PCSK6: variants seen among roughly 807,000 people sequenced by gnomAD.
PCSK6 encodes the protein paired basic amino acid cleaving enzyme 4.
PCSK6 carries 85 observed loss-of-function variants against 123.3 expected under a neutral mutation model. The ratio of observed to expected loss-of-function variants is 0.69; its 90% CI spans 0.58 to 0.83. The LOEUF (loss-of-function observed/expected upper bound fraction) is 0.83, where lower values mean the gene tolerates loss of function less well. Ranked by LOEUF, PCSK6 falls within the 40% of genes least tolerant of loss-of-function variation. PCSK6 has a pLI of 0.00. For synonymous variants in PCSK6, 508 were observed against 516.0 expected, an observed-to-expected ratio of 0.98 and a Z score of 0.21; for missense variants, 1,191 against 1,282.3, an observed-to-expected ratio of 0.93 and a Z score of 1.09.
intron 1 of PCSK6, among the ~76,000 whole-genome samples, chr15:101,484,860 G>T (rs1284687756): frequency 6.6e-6 from 1 of 152,032 alleles, no homozygotes; most frequent in Admixed American, 6.5e-5. Flanking sequence ...TTTTGATTTA[G>T]TTCTCTATTC....
chr15:101,371,660 T>C (rs979859240), intron 11 of PCSK6, among the ~76,000 whole-genome samples: 3 of 152,140 alleles, frequency 2.0e-5, no homozygotes, highest in Non-Finnish European at 4.4e-5. Flanking sequence ...GTGTAGCTAA[T>C]GCGGGGAGGA....
intron 2 of PCSK6, among the ~76,000 whole-genome samples, chr15:101,442,187 G>A (rs545787895): frequency 4.6e-5 from 7 of 152,312 alleles, no homozygotes; most frequent in East Asian, 3.9e-4. Context: ...GATGGGGTGA[G>A]ACGGTGCATG....
intron 2 of PCSK6, among the ~76,000 whole-genome samples, chr15:101,438,620 C>A (rs1023978354): frequency 1.3e-5 from 2 of 152,208 alleles, no homozygotes; most frequent in Non-Finnish European, 2.9e-5. Flanking sequence ...GCCTTCCCAT[C>A]GCCTCTCCTC....
intron 12 of PCSK6, among the ~76,000 whole-genome samples, chr15:101,370,070 C>T (rs1450376509): frequency 1.4e-5 from 2 of 145,100 alleles, no homozygotes; most frequent in Non-Finnish European, 3.0e-5. Context: ...AAAAACGAAA[C>T]AACAACTCTT....
chr15:101,442,898 T>G (rs2056793091), intron 2 of PCSK6, among the ~76,000 whole-genome samples: 1 of 152,298 alleles, frequency 6.6e-6, no homozygotes, highest in Admixed American at 6.5e-5. Context: ...CGGGCCCTGC[T>G]ATGGACAGAG....
intron 2 of PCSK6, among the ~76,000 whole-genome samples, chr15:101,432,361 G>C (rs749509974): frequency 6.6e-6 from 1 of 150,642 alleles, no homozygotes; most frequent in African/African-American, 2.5e-5. Flanking sequence ...AAGTGCTCAC[G>C]CCTGTCATCC....
Position 101,454,980 on chromosome 15 carries a change from G to GAATGAATAAATAAATAAATA in PCSK6, c.298-11321_298-11320insTATTTATTTATTTATTCATT, listed in dbSNP as rs1322359266. 8.3e-3 allele frequency among the ~76,000 whole-genome samples: 815 copies of GAATGAATAAATAAATAAATA among 97,850 alleles called. 3 individuals carry two copies. The highest frequency in any genetic ancestry group is 0.027 in the African/African-American group (783 of 28,632). The allele number at this position is 97,850 out of a possible 152,430, so 64.2% of individuals were successfully genotyped here. On this transcript the variant is annotated intron_variant, in intron 1 of 21. Transcript: ENST00000611716. The stretch of plus-strand genomic sequence containing the variant: ...TGAATGAATGAATGAATGAATGAAT[G>GAATGAATAAATAAATAAATA]AATAAATAAATAAATAAAAGGGTAC...
chr15:101,342,267 G>A (rs935606453), intron 13 of PCSK6, among the ~76,000 whole-genome samples: 1 of 152,048 alleles, frequency 6.6e-6, no homozygotes, highest in Non-Finnish European at 1.5e-5. Context: ...GGAGGGGGAT[G>A]GAATTACACT....
chr15:101,366,378 G>A (rs747621446), intron 12 of PCSK6, 46 bp from the exon 13 acceptor site: 1 of 1,580,640 alleles, frequency 6.3e-7, no homozygotes, highest in Admixed American at 1.7e-5. Context: ...CTGGTACTGA[G>A]TGGCTGGGCG....
chr15:101,339,037 G>T (rs1316902011), intron 13 of PCSK6, among the ~76,000 whole-genome samples: 1 of 152,234 alleles, frequency 6.6e-6, no homozygotes, highest in Admixed American at 6.5e-5. Flanking sequence ...GGGAGACTAT[G>T]GTTGAATTTG....
At chr15:101,391,124 G>A (rs571818191) in intron 8 of PCSK6, among the ~76,000 whole-genome samples, 7 of 152,174 alleles carry the variant, frequency 4.6e-5, no homozygotes, top group African/African-American at 1.4e-4. Context: ...CTCCTTGTTC[G>A]TTTCAGTGGG....
chr15:101,421,601 G>A (rs938660758), intron 6 of PCSK6, among the ~76,000 whole-genome samples: 3 of 152,158 alleles, frequency 2.0e-5, no homozygotes, highest in Non-Finnish European at 4.4e-5. Flanking sequence ...CAACCCTCTG[G>A]AAAGGTACAC....
intron 1 of PCSK6, among the ~76,000 whole-genome samples, chr15:101,461,801 CAAG>C (rs551133295): frequency 3.8e-4 from 58 of 152,048 alleles, no homozygotes; most frequent in Non-Finnish European, 5.1e-4. Flanking sequence ...CAAATTAAAA[CAAG>C]AAGGAAGCTT....
At chr15:101,326,539 C>G in intron 15 of PCSK6, 60 bp from the exon 16 acceptor site, 1 of 1,433,406 alleles carries the variant, frequency 7.0e-7, no homozygotes, top group Non-Finnish European at 9.6e-7. Context: ...TACTGCAGTC[C>G]CGCGGATCCC....
chr15:101,443,734 A>C, intron 1 of PCSK6, 74 bp from the exon 2 acceptor site: 1 of 1,044,318 alleles, frequency 9.6e-7, no homozygotes. Flanking sequence ...ACCCCACAAG[A>C]ATCTCCCCCT....
In PCSK6 at chr15:101,304,605, T is replaced by C. The variant is rs1368983339; in HGVS notation, c.*653A>G. The C allele has an allele frequency of 6.6e-6, 1 of 152,322 alleles. No individual in the cohort carries two copies. The highest frequency in any genetic ancestry group is 1.5e-5 in the Non-Finnish European group (1 of 68,134). 9.4% of individuals were successfully genotyped at this position (152,322 alleles called of 1,614,324 possible). A position where few individuals can be genotyped will look rare whatever the true frequency, so the allele number is the denominator to read the frequency against. ...GCTCGGCTTGCTCAAAGGAGAGCGC[T>C]GCGGGGGATAGAATCTTCTGGTCTG... On this transcript the variant is annotated 3_prime_UTR_variant, in exon 22 of 22. Transcript: ENST00000611716.
chr15:101,332,180 C>T lies in PCSK6; in HGVS notation c.1859-149G>A. ...CCTGGTTACCTGCTGGCCAGCTGTG[C>T]ACCTATTGCCCAGGCCACATGCTGC... is the stretch of plus-strand genomic sequence containing the variant. On this transcript the variant is annotated intron_variant, in intron 13 of 21. Transcript: ENST00000611716. 7.5e-6 allele frequency: 5 copies of T among 670,868 alleles called. No individual in the cohort carries two copies. The South Asian group carries it at 1.0e-4, about 13-fold the overall frequency. 41.6% of individuals were successfully genotyped at this position (670,868 alleles called of 1,614,324 possible).
At chr15:101,382,727 C>G (rs979630360) in intron 10 of PCSK6, among the ~76,000 whole-genome samples, 2 of 151,840 alleles carry the variant, frequency 1.3e-5, no homozygotes, top group South Asian at 2.1e-4. Context: ...GACAGGCTTG[C>G]GAACTGGCCC....
chr15:101,313,562 C>T, intron 19 of PCSK6, 57 bp from the exon 20 acceptor site: 2 of 1,548,130 alleles, frequency 1.3e-6, no homozygotes, highest in Non-Finnish European at 1.7e-6. Flanking sequence ...AGACCATGCC[C>T]CAGGCCTGCT....
Sources: gnomAD v4.1 joint callset for allele counts (sites outside exome capture counted in the v4.1 genomes callset) on GRCh38, gnomAD v4.1.1 for gene constraint, MANE v1.5 for transcripts, NCBI Gene and HGNC (gene_info 2026-07-23, HGNC 2026-07-21) for gene names.